IKZF1: variants seen among roughly 807,000 people sequenced by gnomAD.
The protein encoded by IKZF1 is DNA-binding protein Ikaros.
IKZF1 carries 10 observed loss-of-function variants against 51.7 expected under a neutral mutation model. The ratio of observed to expected loss-of-function variants is 0.19; its 90% confidence interval spans 0.12 to 0.33. IKZF1 has a LOEUF of 0.33. IKZF1 is among the 10% of genes least tolerant of loss of function. The pLI, the probability that IKZF1 is intolerant of heterozygous loss-of-function variation, is 1.00. For missense variants in IKZF1, 484 were observed against 707.5 expected (o/e 0.68, Z 3.58); for synonymous variants, 280 against 282.3 (o/e 0.99, Z 0.08).
At chr7:50,381,042 T>C (rs1165519514) in intron 4 of IKZF1, among the ~76,000 whole-genome samples, 2 of 152,186 alleles carry the variant, frequency 1.3e-5, no homozygotes, top group African/African-American at 4.8e-5. Flanking sequence ...TATCAGGACC[T>C]CTCCATTGGC....
At chr7:50,310,892 T>C (rs1469036091) in intron 1 of IKZF1, among the ~76,000 whole-genome samples, 1 of 152,216 alleles carries the variant, frequency 6.6e-6, no homozygotes, top group Non-Finnish European at 1.5e-5. Flanking sequence ...TTGACTTCAG[T>C]GGAACCCCTC....
At chr7:50,305,285 C>CT (rs1383041690) in intron 1 of IKZF1, among the ~76,000 whole-genome samples, 1 of 152,140 alleles carries the variant, frequency 6.6e-6, no homozygotes, top group Admixed American at 6.5e-5. Context: ...CGGGAGCTTT[C>CT]TTTTTATACT....
intron 6 of IKZF1, among the ~76,000 whole-genome samples, chr7:50,387,940 A>C (rs1353904391): frequency 6.6e-6 from 1 of 152,068 alleles, no homozygotes; most frequent in Non-Finnish European, 1.5e-5. Flanking sequence ...CAGGGTATCC[A>C]CTCCTGCATG....
At chr7:50,388,965 T>A (rs376574138) in intron 6 of IKZF1, among the ~76,000 whole-genome samples, 10 of 152,310 alleles carry the variant, frequency 6.6e-5, no homozygotes, top group African/African-American at 2.2e-4. Context: ...TAATCTAATA[T>A]ACACATAGAA....
chr7:50,394,308 C>T (rs1183952651), intron 7 of IKZF1: 1 of 233,114 alleles, frequency 4.3e-6, no homozygotes, highest in South Asian at 1.8e-4. Context: ...GATGAGATTT[C>T]CATCAGTCAC....
At chr7:50,303,832 C>T (rs779038296), upstream of IKZF1, among the ~76,000 whole-genome samples, 23 of 149,122 alleles carry the variant, frequency 1.5e-4, no homozygotes, top group Non-Finnish European at 2.8e-4. The surrounding 1 kb of genome is among the most constrained non-coding windows in gnomAD (Gnocchi z 4.7). Context: ...CCCGGCGGCG[C>T]GCGTCCCCCT....
At chr7:50,305,624 C>T (rs1351698771) in intron 1 of IKZF1, among the ~76,000 whole-genome samples, 1 of 152,170 alleles carries the variant, frequency 6.6e-6, no homozygotes, top group Non-Finnish European at 1.5e-5. Context: ...TTCCCTCTCT[C>T]TAGGGACTGC....
chr7:50,363,338 C>A (rs1805826112), intron 3 of IKZF1, among the ~76,000 whole-genome samples: 1 of 152,118 alleles, frequency 6.6e-6, no homozygotes, highest in Non-Finnish European at 1.5e-5. Context: ...GGATCCGGAG[C>A]AGTGTAAGAC....
chr7:50,382,434 C>A, intron 4 of IKZF1, 106 bp from the exon 5 acceptor site: 2 of 1,422,282 alleles, frequency 1.4e-6, no homozygotes, highest in Non-Finnish European at 1.9e-6. Context: ...AAACCTGCAG[C>A]CGGTGGAAGT....
At chr7:50,331,969 G>A (rs1256225973) in intron 3 of IKZF1, among the ~76,000 whole-genome samples, 1 of 152,222 alleles carries the variant, frequency 6.6e-6, no homozygotes, top group Non-Finnish European at 1.5e-5. Flanking sequence ...TGAGACTGTA[G>A]CTTGTTCTTC....
intron 7 of IKZF1, among the ~76,000 whole-genome samples, chr7:50,398,214 C>G (rs1165952102): frequency 2.6e-5 from 4 of 152,196 alleles, no homozygotes; most frequent in Admixed American, 1.3e-4. Flanking sequence ...TTTGACTTAT[C>G]CCTCACTTTT....
At chr7:50,303,903 C>T (rs1318861377), upstream of IKZF1, among the ~76,000 whole-genome samples, 1 of 145,400 alleles carries the variant, frequency 6.9e-6, no homozygotes, top group Non-Finnish European at 1.5e-5. The surrounding 1 kb of genome is among the most constrained non-coding windows in gnomAD (Gnocchi z 4.7). Context: ...ACGCGCGGGT[C>T]CCGCAGCGCC....
intron 4 of IKZF1, among the ~76,000 whole-genome samples, chr7:50,380,033 C>T (rs1811398668): frequency 6.6e-6 from 1 of 152,204 alleles, no homozygotes; most frequent in Non-Finnish European, 1.5e-5. Flanking sequence ...GCTGCAATAG[C>T]TGTTGACCTG....
chr7:50,391,900 C>T (rs777214471), intron 7 of IKZF1, 37 bp downstream of exon 7: 4 of 1,582,202 alleles, frequency 2.5e-6, no homozygotes, highest in South Asian at 1.1e-5. Flanking sequence ...TAAAAAAAAA[C>T]TATGTGGGTG....
chr7:50,387,317 G>A (rs1200677944), intron 5 of IKZF1, 28 bp from the exon 6 acceptor site: 1 of 1,607,492 alleles, frequency 6.2e-7, no homozygotes, highest in South Asian at 1.1e-5. Context: ...TTTAATTGGG[G>A]TCTTGAACTC....
chr7:50,373,987 A>G (rs1197746030), intron 3 of IKZF1, among the ~76,000 whole-genome samples: 1 of 152,230 alleles, frequency 6.6e-6, no homozygotes, highest in East Asian at 1.9e-4. Flanking sequence ...GAGCATTTGA[A>G]GAATCCCCAT....
chr7:50,358,637 G>A (rs1054291666), intron 3 of IKZF1, among the ~76,000 whole-genome samples: 1 of 152,232 alleles, frequency 6.6e-6, no homozygotes, highest in Non-Finnish European at 1.5e-5. Context: ...GGTGGTTGGA[G>A]GCAGGGTGCT....
intron 3 of IKZF1, chr7:50,328,823 C>T (rs1795715931): frequency 2.0e-5 from 3 of 152,140 alleles, no homozygotes; most frequent in South Asian, 4.1e-4. Context: ...CTTGTAATCC[C>T]AGCACTTTGG....
chr7:50,344,236 T>C (rs1799787461), intron 3 of IKZF1, among the ~76,000 whole-genome samples: 1 of 152,228 alleles, frequency 6.6e-6, no homozygotes, highest in Non-Finnish European at 1.5e-5. Flanking sequence ...AAGTGGTATT[T>C]CAAAAACTCA....
Sources: allele counts gnomAD v4.1 joint callset (sites outside exome capture counted in the v4.1 genomes callset), GRCh38; gene constraint gnomAD v4.1.1; non-coding constraint Gnocchi (gnomAD v3.1); transcripts MANE v1.5; gene names NCBI Gene and HGNC (gene_info 2026-07-23, HGNC 2026-07-21).